The following ZSWIM5 variants were observed in gnomAD, a reference collection of about 807,000 sequenced individuals.
ZSWIM5 encodes the protein zinc finger SWIM domain-containing protein 5.
In ZSWIM5, 55 loss-of-function variants were observed where a neutral mutation model predicts 119.6. The observed-to-expected ratio is 0.46, with a 90% CI of 0.37 to 0.58. ZSWIM5 has a LOEUF of 0.58. Among genes scored for constraint, ZSWIM5 ranks in the 20% least tolerant of loss-of-function variants. ZSWIM5 has a pLI of 0.00. For synonymous variants in ZSWIM5, 537 were observed against 606.9 expected (o/e 0.88, Z 1.69); for missense variants, 1,193 against 1,512.8 (o/e 0.79, Z 3.51).
At chr1:45,183,742 T>A (rs1646037919) in intron 1 of ZSWIM5, among the ~76,000 whole-genome samples, 1 of 152,148 alleles carries the variant, frequency 6.6e-6, no homozygotes, top group Non-Finnish European at 1.5e-5. Context: ...GGAGCTGAAA[T>A]TGTGGCAATA....
At chr1:45,053,762 CAA>C (rs10675427) in intron 4 of ZSWIM5, among the ~76,000 whole-genome samples, 5 of 92,068 alleles carry the variant, frequency 5.4e-5, no homozygotes, top group Non-Finnish European at 9.9e-5. Flanking sequence ...GACTCTGTTT[CAA>C]AAAAAAAAAA....
chr1:45,044,828 TATATATAA>T lies in ZSWIM5; in HGVS notation c.1433-1441_1433-1434del, dbSNP rs1645043945. Among the ~76,000 whole-genome samples, 4 of 9,570 alleles carry T rather than the reference TATATATAA, an allele frequency of 4.2e-4. 1 individual carries two copies. Among genetic ancestry groups the T allele is most frequent in the South Asian group, 7.8e-3 (1 of 128 alleles). 6.3% of individuals were successfully genotyped at this position (9,570 alleles called of 152,430 possible). ...AAATATATATATATATATAAATATA[TATATATAA>T]ATATATATATATAGATTAGCCGGGC... On this transcript the variant is annotated intron_variant, in intron 5 of 13. Transcript: ENST00000359600.
At chr1:45,061,118 A>G (rs1557752459) in intron 2 of ZSWIM5, among the ~76,000 whole-genome samples, 1 of 152,152 alleles carries the variant, frequency 6.6e-6, no homozygotes, top group Non-Finnish European at 1.5e-5. Flanking sequence ...AGTTATTTAC[A>G]CATCCCTCTC....
chr1:45,205,312 C>T (rs1390006017), intron 1 of ZSWIM5, among the ~76,000 whole-genome samples: 5 of 152,190 alleles, frequency 3.3e-5, no homozygotes, highest in Non-Finnish European at 5.9e-5. Context: ...GTGTTAATTT[C>T]ATCGAGACTC....
At position 45,063,768 on chromosome 1, in the gene ZSWIM5, G is replaced by A. The variant is rs761139393; in HGVS notation, c.953-3521C>T. Among the ~76,000 whole-genome samples, 43 of 151,980 alleles carry A rather than the reference G, an allele frequency of 2.8e-4. 1 individual carries two copies. Among genetic ancestry groups the A allele is most frequent in the Non-Finnish European group, 8.8e-5 (6 of 67,986 alleles). On this transcript the variant is annotated intron_variant, in intron 2 of 13. Coordinates refer to ENST00000359600, the MANE Select transcript of ZSWIM5 (RefSeq NM_020883.2). ...AGCACTTTGGGAGGCTGAGGCGGGC[G>A]GATCATGAGGTCAGGAGATCGAGAC...
chr1:45,051,035 G>A, intron 5 of ZSWIM5, 39 bp downstream of exon 5: 1 of 1,584,012 alleles, frequency 6.3e-7, no homozygotes, highest in South Asian at 1.2e-5. Context: ...ACCTTTTGAA[G>A]TTCCAGGTAC....
intron 1 of ZSWIM5, among the ~76,000 whole-genome samples, chr1:45,176,550 C>T (rs1645983026): frequency 6.6e-6 from 1 of 152,106 alleles, no homozygotes; most frequent in Non-Finnish European, 1.5e-5. Flanking sequence ...CAGGCATGAG[C>T]CACCGCGCCC....
chr1:45,136,400 C>T (rs186655650), intron 1 of ZSWIM5, among the ~76,000 whole-genome samples: 14 of 152,158 alleles, frequency 9.2e-5, no homozygotes, highest in Non-Finnish European at 1.3e-4. Flanking sequence ...TGTGAGCCAC[C>T]GCATCCGGCC....
chr1:45,030,445 C>T lies in ZSWIM5; in HGVS notation c.2449+3867G>A, dbSNP rs146306747. Reference sequence around the variant, plus strand: ...TATTTTTAGTACAGACAGGGTTTTGCCATGTTGGCCAGGCTGGTCTCGAAC... The same window carrying T: ...TATTTTTAGTACAGACAGGGTTTTGTCATGTTGGCCAGGCTGGTCTCGAAC... On this transcript the variant is annotated intron_variant, in intron 11 of 13. Transcript: ENST00000359600. 9.9e-3 allele frequency among the ~76,000 whole-genome samples: 1,500 copies of T among 152,184 alleles called. 25 individuals carry two copies. Among genetic ancestry groups the T allele is most frequent in the African/African-American group, 0.034 (1,429 of 41,518 alleles).
At chr1:45,029,218 C>A (rs1242239930) in intron 11 of ZSWIM5, among the ~76,000 whole-genome samples, 1 of 152,244 alleles carries the variant, frequency 6.6e-6, no homozygotes, top group African/African-American at 2.4e-5. Flanking sequence ...AGATTTTATA[C>A]AAGTTCATGT....
At chr1:45,105,883 G>A (rs1645471329) in intron 1 of ZSWIM5, among the ~76,000 whole-genome samples, 1 of 146,416 alleles carries the variant, frequency 6.8e-6, no homozygotes, top group Non-Finnish European at 1.5e-5. Context: ...GAGAAGTGAG[G>A]AGCACCTCTG....
rs749285280 is a variant in ZSWIM5, at chr1:45,062,061, G to A, written c.953-1814C>T. Among the ~76,000 whole-genome samples, 61 of 152,210 alleles carry A rather than the reference G, an allele frequency of 4.0e-4. 1 individual carries two copies. The highest frequency in any genetic ancestry group is 2.8e-4 in the Non-Finnish European group (19 of 68,006). On this transcript the variant is annotated intron_variant, in intron 2 of 13. Transcript: ENST00000359600. ...GCCGAGATCGTGCCACTGCACTCCC[G>A]CCTGGGCAACAGAGTGAGACCCTGT...
Position 45,206,418 on chromosome 1 carries a change from G to C in ZSWIM5, c.-68C>G, listed in dbSNP as rs11585584. On this transcript the variant is annotated 5_prime_UTR_variant, in exon 1 of 14. Coordinates refer to ENST00000359600, the MANE Select transcript of ZSWIM5 (RefSeq NM_020883.2). The stretch of plus-strand genomic sequence containing the variant: ...GGGCTGCGGCGGAGACCCTGGCCAC[G>C]GCCACGCGCCCCGCGCAAGCGCCCA... 15,934 of 1,274,194 alleles carry C rather than the reference G, an allele frequency of 0.013. 112 individuals carry two copies. Among genetic ancestry groups the C allele is most frequent in the Non-Finnish European group, 0.015 (14,756 of 1,011,660 alleles). 78.9% of individuals were successfully genotyped at this position (1,274,194 alleles called of 1,614,324 possible).
In ZSWIM5 at chr1:45,184,595, C is replaced by T. The variant is rs1465251995; in HGVS notation, c.595+21161G>A. Among the ~76,000 whole-genome samples, 3 of 151,956 alleles carry T rather than the reference C, an allele frequency of 2.0e-5. No individual in the cohort carries two copies. The East Asian group carries it at 5.8e-4, about 29-fold the overall frequency. On this transcript the variant is annotated intron_variant, in intron 1 of 13. Transcript: ENST00000359600. Reference sequence around the variant, plus strand: ...TGTACAAAAATCACAAGCATTCTTACACACCAATAACAGACAAACAGAGAG... The same window carrying T: ...TGTACAAAAATCACAAGCATTCTTATACACCAATAACAGACAAACAGAGAG...
intron 1 of ZSWIM5, among the ~76,000 whole-genome samples, chr1:45,191,263 G>T (rs1646091563): frequency 6.6e-6 from 1 of 152,096 alleles, no homozygotes; most frequent in Non-Finnish European, 1.5e-5. Context: ...CTCCTACCTT[G>T]CTCAGTCATT....
At chr1:45,092,476 T>C (rs1003687047) in intron 1 of ZSWIM5, among the ~76,000 whole-genome samples, 3 of 148,520 alleles carry the variant, frequency 2.0e-5, no homozygotes, top group East Asian at 2.0e-4. Context: ...TTTGTATTTT[T>C]AGTAGAGACA....
intron 1 of ZSWIM5, among the ~76,000 whole-genome samples, chr1:45,096,569 C>CA (rs1645404710): frequency 6.6e-6 from 1 of 152,102 alleles, no homozygotes; most frequent in African/African-American, 2.4e-5. Flanking sequence ...CACACACACA[C>CA]ACACACAGCC....
In ZSWIM5 at chr1:45,036,192, C is replaced by T; in HGVS notation, c.2002G>A (p.Gly668Ser). ...GGCATTAACCTCTGTTGACCCAGGC[C>T]CATCAGTGCAACTTCCAGGGCCAAT... ...LSLALEVALM[G>S]LGQQRLMPEG... Residue 668 changes from glycine (G) to serine (S), a missense_variant, in exon 9 of 14, where the codon GGC becomes AGC. By Grantham distance (56) the Gly-to-Ser change is moderately conservative. Coordinates refer to ENST00000359600, the MANE Select transcript of ZSWIM5 (RefSeq NM_020883.2). 1.2e-6 allele frequency: 2 copies of T among 1,614,070 alleles called. No homozygotes were observed. The highest frequency in any genetic ancestry group is 2.2e-5 in the South Asian group (2 of 91,082).
chr1:45,104,169 A>G (rs1240984637), intron 1 of ZSWIM5, among the ~76,000 whole-genome samples: 2 of 152,194 alleles, frequency 1.3e-5, no homozygotes, highest in Admixed American at 1.3e-4. Context: ...TACCAGCAGA[A>G]GTAAAGCAGC....
Sources: allele counts gnomAD v4.1 joint callset (sites outside exome capture counted in the v4.1 genomes callset), GRCh38; gene constraint gnomAD v4.1.1; transcripts MANE v1.5; gene names NCBI Gene and HGNC (gene_info 2026-07-23, HGNC 2026-07-21).